ADGRV1: variants seen among roughly 807,000 people sequenced by gnomAD.
ADGRV1 encodes the protein adhesion G protein-coupled receptor V1.
Under a neutral mutation model 596.2 loss-of-function variants are expected in ADGRV1, and 359 were observed. The observed-to-expected ratio is 0.60, with a 90% CI of 0.55 to 0.66. The LOEUF is 0.66. Among genes scored for constraint, ADGRV1 ranks in the 30% least tolerant of loss-of-function variants. ADGRV1 has a pLI of 0.00. For synonymous variants in ADGRV1, 2,681 were observed against 2,679.2 expected (o/e 1.00, Z -0.02); for missense variants, 7,274 against 7,575.6 (o/e 0.96, Z 1.48).
intron 86 of ADGRV1, among the ~76,000 whole-genome samples, chr5:91,093,478 T>G (rs761025116): frequency 2.0e-5 from 3 of 152,250 alleles, no homozygotes; most frequent in Non-Finnish European, 4.4e-5. Context: ...ACAAGTCACA[T>G]CAACAATTCT....
At position 90,810,577 on chromosome 5, in the gene ADGRV1, A is replaced by G. The variant is rs776164433; in HGVS notation, c.15317A>G (p.Asp5106Gly). The G allele has an allele frequency of 2.7e-5, 44 of 1,613,852 alleles. No individual in the cohort carries two copies. Among genetic ancestry groups the G allele is most frequent in the Non-Finnish European group, 3.4e-5 (40 of 1,179,896 alleles). Residue 5106 changes from aspartate (D) to glycine (G), a missense_variant, in exon 74 of 90, where the codon GAT (aspartate) becomes GGT (glycine). By Grantham distance (94) the Asp-to-Gly change is moderately conservative (BLOSUM62 -1). Around this residue, in one of 5 missense-constraint regions of ADGRV1, gnomAD observed 1,874 missense variants for 1,970.2 expected, o/e 0.95. Coordinates refer to ENST00000405460, the MANE Select transcript of ADGRV1 (RefSeq NM_032119.4). ...GAAATTAGGGGATTACAAAAGTTTG[A>G]TGTTAATTGGAGCCCACGCCTGAAT... ...SVEIRGLQKF[D>G]VNWSPRLNLD...
intron 57 of ADGRV1, among the ~76,000 whole-genome samples, chr5:90,757,842 T>A (rs1756004979): frequency 6.6e-6 from 1 of 152,180 alleles, no homozygotes; most frequent in Non-Finnish European, 1.5e-5. Flanking sequence ...TGTTAGTAAC[T>A]TTAACTAGCA....
intron 83 of ADGRV1, among the ~76,000 whole-genome samples, chr5:90,942,381 G>A (rs1776233415): frequency 6.6e-6 from 1 of 152,192 alleles, no homozygotes; most frequent in Non-Finnish European, 1.5e-5. Context: ...TTATTCCCTG[G>A]AAGAGGGGTC....
chr5:91,149,840 A>AG (rs1795874563), intron 87 of ADGRV1, among the ~76,000 whole-genome samples, 190 bp from the exon 88 acceptor site: 1 of 150,414 alleles, frequency 6.6e-6, no homozygotes, highest in Non-Finnish European at 1.5e-5. Flanking sequence ...TCAAAAAAAA[A>AG]AAAAAAAAAG....
intron 83 of ADGRV1, among the ~76,000 whole-genome samples, chr5:90,901,123 T>A (rs1266874844): frequency 6.6e-6 from 1 of 152,154 alleles, no homozygotes; most frequent in Non-Finnish European, 1.5e-5. Context: ...GGCATTAGAC[T>A]TTCCTCAGAT....
chr5:91,100,162 C>T (rs1173263471), intron 86 of ADGRV1, among the ~76,000 whole-genome samples: 1 of 152,170 alleles, frequency 6.6e-6, no homozygotes, highest in Non-Finnish European at 1.5e-5. Context: ...TGGCTTATAC[C>T]AGTAATCCCA....
chr5:90,703,626 T>A, intron 34 of ADGRV1, 39 bp from the exon 35 acceptor site: 1 of 1,474,976 alleles, frequency 6.8e-7, no homozygotes, highest in Non-Finnish European at 9.3e-7. Context: ...AAGTTTATTT[T>A]CCATTAAGTA....
chr5:91,080,501 T>C (rs930252187), intron 86 of ADGRV1, among the ~76,000 whole-genome samples: 2 of 147,666 alleles, frequency 1.4e-5, no homozygotes, highest in Non-Finnish European at 3.0e-5. Context: ...TTGGTAATAG[T>C]GACATGTAAA....
chr5:90,571,704 A>C (rs1168841381), intron 1 of ADGRV1, among the ~76,000 whole-genome samples: 1 of 152,138 alleles, frequency 6.6e-6, no homozygotes, highest in Non-Finnish European at 1.5e-5. Context: ...CAACTCTGTG[A>C]ATTGGGCTTT....
chr5:90,664,921 A>G (rs180879610), intron 21 of ADGRV1, among the ~76,000 whole-genome samples: 24,053 of 150,374 alleles, frequency 0.16, 2,204 homozygotes, highest in East Asian at 0.41. Flanking sequence ...TACATTTATT[A>G]ATTTGCGTAT....
chr5:91,066,423 G>T (rs1787887064), intron 85 of ADGRV1, among the ~76,000 whole-genome samples: 1 of 151,934 alleles, frequency 6.6e-6, no homozygotes, highest in South Asian at 2.1e-4. Flanking sequence ...TTCTCTCAAG[G>T]GTAGAATATA....
chr5:90,972,747 G>A (rs556544020), intron 84 of ADGRV1, among the ~76,000 whole-genome samples: 184 of 152,200 alleles, frequency 1.2e-3, no homozygotes, highest in East Asian at 5.0e-3. Context: ...ACAAGAGAAA[G>A]CAGGAACGAT....
intron 67 of ADGRV1, 106 bp downstream of exon 67, chr5:90,784,163 T>C: frequency 1.4e-6 from 1 of 725,706 alleles, no homozygotes; most frequent in Non-Finnish European, 2.2e-6. Context: ...AGCCAATCAA[T>C]ATTTATTAAT....
chr5:90,715,336 T>C (rs1463902179), intron 42 of ADGRV1, among the ~76,000 whole-genome samples: 1 of 152,196 alleles, frequency 6.6e-6, no homozygotes, highest in Non-Finnish European at 1.5e-5. Flanking sequence ...CTTAGGACTG[T>C]CCCATGACAA....
intron 59 of ADGRV1, 65 bp from the exon 60 acceptor site, chr5:90,774,121 T>G (rs1258165789): frequency 1.8e-5 from 14 of 782,446 alleles, no homozygotes; most frequent in Non-Finnish European, 2.5e-5. Flanking sequence ...ATTCTGCTAA[T>G]GACAACATTC....
At chr5:90,672,844 T>C in intron 22 of ADGRV1, 122 bp downstream of exon 22, 1 of 686,618 alleles carries the variant, frequency 1.5e-6, no homozygotes, top group Non-Finnish European at 2.4e-6. Context: ...TTTACAACTG[T>C]AACTGATACA....
At position 91,150,228 on chromosome 5, in the gene ADGRV1, G is replaced by A. The variant is rs1436449740; in HGVS notation, c.18624+7G>A. ...CATCGGTGCTATGGAGGAGGTGTCT[G>A]CCCTTGCCCTTTCATTCTCTGTCTC... On this transcript the variant is annotated splice_region_variant and intron_variant, in intron 88 of 89. Transcript: ENST00000405460. 3 of 1,519,066 alleles carry A rather than the reference G, an allele frequency of 2.0e-6. No individual in the cohort carries two copies. In the South Asian group the frequency reaches 4.0e-5, roughly 20 times the overall value. The allele number at this position is 1,519,066 out of a possible 1,614,324, so 94.1% of individuals were successfully genotyped here.
chr5:90,725,772 T>C (rs1751689357), intron 48 of ADGRV1, 116 bp downstream of exon 48: 2 of 638,744 alleles, frequency 3.1e-6, no homozygotes, highest in South Asian at 2.0e-5. Context: ...CAAAATTTGA[T>C]TGTGGTAAAG....
At chr5:90,579,653 G>T (rs1298079645) in intron 1 of ADGRV1, among the ~76,000 whole-genome samples, 1 of 152,090 alleles carries the variant, frequency 6.6e-6, no homozygotes, top group African/African-American at 2.4e-5. Context: ...TCATGTCCTG[G>T]ATATCCTTGT....
Sources: allele counts gnomAD v4.1 joint callset (sites outside exome capture counted in the v4.1 genomes callset), GRCh38; gene constraint gnomAD v4.1.1; regional missense constraint gnomAD v4.1.1; transcripts MANE v1.5; gene names NCBI Gene and HGNC (gene_info 2026-07-23, HGNC 2026-07-21).